KCNIP4: variants seen among roughly 807,000 people sequenced by gnomAD.
The protein encoded by KCNIP4 is potassium voltage-gated channel interacting protein 4, also known as Kv channel-interacting protein 4.
Under a neutral mutation model 34.0 loss-of-function variants are expected in KCNIP4, and 12 were observed. The ratio of observed to expected loss-of-function variants is 0.35; its 90% confidence interval spans 0.23 to 0.57. KCNIP4 has a LOEUF of 0.57. Among genes scored for constraint, KCNIP4 ranks in the 20% least tolerant of loss-of-function variants. The pLI is 0.83. For synonymous variants in KCNIP4, 124 were observed against 102.2 expected (o/e 1.21, Z -1.29); for missense variants, 238 against 311.7 (o/e 0.76, Z 1.78).
In KCNIP4 at chr4:21,464,292, G is replaced by T. The variant is rs908098465; in HGVS notation, c.61+484279C>A. ...TTTTTATAGTTTTTTAAGTTGTCAG[G>T]TTAGATTATTGACTTGAGATGTTAT... On this transcript the variant is annotated intron_variant, in intron 1 of 8. Transcript: ENST00000382152. Among the ~76,000 whole-genome samples, 4 of 151,616 alleles carry T rather than the reference G, an allele frequency of 2.6e-5. No individual in the cohort carries two copies. The South Asian group carries it at 8.3e-4, about 32-fold the overall frequency.
At chr4:20,910,505 A>C (rs1203849102) in intron 1 of KCNIP4, among the ~76,000 whole-genome samples, 1 of 152,178 alleles carries the variant, frequency 6.6e-6, no homozygotes, top group Non-Finnish European at 1.5e-5. Context: ...GGGGCTGAAC[A>C]TGACAAGAAT....
chr4:21,925,862 GAATT>G (rs1729218317), intron 1 of KCNIP4, among the ~76,000 whole-genome samples: 1 of 152,126 alleles, frequency 6.6e-6, no homozygotes. Context: ...GAAATTTGTT[GAATT>G]AATAAATGAT....
chr4:21,048,024 C>T (rs963526954), intron 1 of KCNIP4, among the ~76,000 whole-genome samples: 1 of 152,196 alleles, frequency 6.6e-6, no homozygotes, highest in African/African-American at 2.4e-5. Flanking sequence ...TACATTCTTA[C>T]AGCAACATTT....
intron 1 of KCNIP4, among the ~76,000 whole-genome samples, chr4:21,058,978 G>A (rs186507452): frequency 6.6e-6 from 1 of 152,228 alleles, no homozygotes; most frequent in African/African-American, 2.4e-5. Flanking sequence ...TAGTGAATAA[G>A]TTTCATGAGA....
intron 1 of KCNIP4, among the ~76,000 whole-genome samples, chr4:21,266,182 TCTCA>T (rs1761796589): frequency 6.6e-6 from 1 of 152,192 alleles, no homozygotes; most frequent in Non-Finnish European, 1.5e-5. Context: ...TGGTATCAGT[TCTCA>T]CTGTGAATTT....
chr4:21,475,636 G>A (rs577089030), intron 1 of KCNIP4, among the ~76,000 whole-genome samples: 2 of 151,126 alleles, frequency 1.3e-5, no homozygotes, highest in East Asian at 3.9e-4. Flanking sequence ...TGAAAATCAA[G>A]TTCTCATTTT....
intron 1 of KCNIP4, among the ~76,000 whole-genome samples, chr4:21,426,093 A>G (rs1217429907): frequency 6.6e-6 from 1 of 152,178 alleles, no homozygotes. Context: ...ATGTGGAAAC[A>G]TTATTGAGCA....
chr4:21,203,910 G>A (rs765697366), intron 1 of KCNIP4, among the ~76,000 whole-genome samples: 18 of 152,214 alleles, frequency 1.2e-4, no homozygotes, highest in South Asian at 2.1e-4. Context: ...TTCAACTCCC[G>A]GGAAGGGCTG....
intron 1 of KCNIP4, among the ~76,000 whole-genome samples, chr4:21,518,778 C>T (rs1277668130): frequency 6.6e-6 from 1 of 151,986 alleles, no homozygotes; most frequent in Non-Finnish European, 1.5e-5. Flanking sequence ...AGGATGTGGC[C>T]GAACTGCCAG....
At chr4:21,252,450 T>C (rs1158389038) in intron 1 of KCNIP4, among the ~76,000 whole-genome samples, 1 of 152,052 alleles carries the variant, frequency 6.6e-6, no homozygotes, top group Non-Finnish European at 1.5e-5. Flanking sequence ...TTAAGTAGAC[T>C]ACCTGCTTGA....
intron 1 of KCNIP4, among the ~76,000 whole-genome samples, chr4:21,619,241 C>T (rs1744843908): frequency 2.0e-5 from 3 of 152,236 alleles, no homozygotes; most frequent in African/African-American, 7.2e-5. Flanking sequence ...TCCAAAGTCA[C>T]AAATTAAAAT....
intron 1 of KCNIP4, among the ~76,000 whole-genome samples, chr4:21,293,701 G>A (rs1361478482): frequency 6.6e-6 from 1 of 152,160 alleles, no homozygotes; most frequent in East Asian, 1.9e-4. Context: ...AACAGGAGCA[G>A]ATCTTGGTAT....
chr4:21,383,432 C>T (rs1407936045), intron 1 of KCNIP4, among the ~76,000 whole-genome samples: 2 of 141,162 alleles, frequency 1.4e-5, no homozygotes, highest in East Asian at 2.1e-4. Flanking sequence ...CCCTTAATTT[C>T]GGGGTCAGAA....
At chr4:21,946,104 T>G (rs1404076709) in intron 1 of KCNIP4, among the ~76,000 whole-genome samples, 1 of 151,542 alleles carries the variant, frequency 6.6e-6, no homozygotes, top group African/African-American at 2.4e-5. Context: ...TCGACTCTGT[T>G]CTGTCATTTC....
chr4:20,910,874 G>A (rs1036928070), intron 1 of KCNIP4, among the ~76,000 whole-genome samples: 1 of 152,072 alleles, frequency 6.6e-6, no homozygotes, highest in African/African-American at 2.4e-5. Context: ...AGCTCCTAGA[G>A]GCAGTCTTTG....
intron 1 of KCNIP4, among the ~76,000 whole-genome samples, chr4:21,594,896 T>C (rs1320181170): frequency 1.3e-5 from 2 of 152,036 alleles, no homozygotes; most frequent in African/African-American, 4.8e-5. Flanking sequence ...ATTTGGAATA[T>C]TATGTTGGTG....
chr4:21,320,628 G>A (rs1714274182), intron 1 of KCNIP4, among the ~76,000 whole-genome samples: 1 of 152,108 alleles, frequency 6.6e-6, no homozygotes, highest in South Asian at 2.1e-4. Context: ...TACCCTGTGA[G>A]CTTTGCTTGC....
At chr4:21,149,279 G>T (rs2109239211) in intron 1 of KCNIP4, among the ~76,000 whole-genome samples, 1 of 152,226 alleles carries the variant, frequency 6.6e-6, no homozygotes, top group East Asian at 1.9e-4. Context: ...ACTCCTATGT[G>T]CAAAGTTTGT....
At chr4:21,486,077 G>A (rs1731881597) in intron 1 of KCNIP4, among the ~76,000 whole-genome samples, 1 of 152,202 alleles carries the variant, frequency 6.6e-6, no homozygotes. Context: ...GCCTCACCTA[G>A]CAGACTATCT....
Sources: allele counts gnomAD v4.1 joint callset (sites outside exome capture counted in the v4.1 genomes callset), GRCh38; gene constraint gnomAD v4.1.1; transcripts MANE v1.5; gene names NCBI Gene and HGNC (gene_info 2026-07-23, HGNC 2026-07-21).